The following ATR variants were observed in gnomAD, a reference collection of about 807,000 sequenced individuals.
The protein encoded by ATR is serine/threonine-protein kinase ATR.
A neutral mutation model predicts 305.3 loss-of-function variants in ATR; 142 were observed. The observed-to-expected ratio is 0.47, with a 90% CI of 0.41 to 0.53. The LOEUF is 0.53. Ranked by LOEUF, ATR falls within the 20% of genes least tolerant of loss-of-function variation. The pLI is 0.00. For missense variants in ATR, 2,135 were observed against 3,133.1 expected, an observed-to-expected ratio of 0.68 and a Z score of 7.60; for synonymous variants, 1,050 against 1,068.1, an observed-to-expected ratio of 0.98 and a Z score of 0.33.
At position 142,559,461 on chromosome 3, in the gene ATR, T is replaced by C; in HGVS notation, c.1542-20A>G. 1.2e-6 allele frequency: 2 copies of C among 1,607,540 alleles called. No homozygotes were observed. Among genetic ancestry groups the C allele is most frequent in the South Asian group, 1.1e-5 (1 of 90,766 alleles). On this transcript the variant is annotated intron_variant, in intron 6 of 46. Transcript: ENST00000350721. ...GTACGGCTGCAGTAAGTACATTTTGTTAAAAACATTGGAATTAAGATGAAT... is the reference window on the plus strand; with the variant it reads ...GTACGGCTGCAGTAAGTACATTTTGCTAAAAACATTGGAATTAAGATGAAT...
At chr3:142,535,673 C>T (rs1037851671) in intron 20 of ATR, among the ~76,000 whole-genome samples, 2 of 152,142 alleles carry the variant, frequency 1.3e-5, no homozygotes, top group East Asian at 3.9e-4. Flanking sequence ...ATTTAAGATG[C>T]TGGAATTATA....
At chr3:142,468,938 C>A (rs2071192101) in intron 38 of ATR, among the ~76,000 whole-genome samples, 1 of 152,118 alleles carries the variant, frequency 6.6e-6, no homozygotes, top group Non-Finnish European at 1.5e-5. Context: ...CTGCACTGAG[C>A]TATGATCCCA....
In ATR at chr3:142,481,359, T is replaced by A. The variant is rs2030465096; in HGVS notation, c.6221+3781A>T. Among the ~76,000 whole-genome samples, 6 of 152,364 alleles carry A rather than the reference T, an allele frequency of 3.9e-5. No homozygotes were observed. In the South Asian group the frequency reaches 1.0e-3, roughly 26 times the overall value. ...ATTAATGTGGTATATCAAATATATG[T>A]ATTTGGATATGTTGAACCATCCTTG... On this transcript the variant is annotated intron_variant, in intron 36 of 46. Transcript: ENST00000350721.
intron 16 of ATR, among the ~76,000 whole-genome samples, chr3:142,543,765 A>T (rs1381961466): frequency 6.6e-6 from 1 of 151,662 alleles, no homozygotes; most frequent in African/African-American, 2.4e-5. Context: ...AACCTCCTAG[A>T]CTCAAGCAAT....
chr3:142,451,574 G>A (rs760790267), intron 46 of ATR: 62 of 1,313,064 alleles, frequency 4.7e-5, no homozygotes, highest in Non-Finnish European at 6.0e-5. Flanking sequence ...CTTCATCCCA[G>A]CAGTTGGAAG....
intron 17 of ATR, among the ~76,000 whole-genome samples, chr3:142,541,288 G>T (rs1159510912): frequency 6.6e-6 from 1 of 152,050 alleles, no homozygotes; most frequent in Middle Eastern, 3.2e-3. Flanking sequence ...TTTTAGCCCA[G>T]TATTCATCTA....
chr3:142,457,747 G>C lies in ATR; in HGVS notation c.7512C>G (p.Thr2504=). ...ATGGCACAATTTCTGGAACTTCAAAGGTTTCTCCCTTAGAAACAATACATT... is the reference window on the plus strand; with the variant it reads ...ATGGCACAATTTCTGGAACTTCAAACGTTTCTCCCTTAGAAACAATACATT... ...DFNCLFNKGE[T]FEVPEIVPFR... The change falls in exon 45 of 47, where the codon ACC becomes ACG. Residue 2504 remains threonine, a synonymous_variant. Coordinates refer to ENST00000350721, the MANE Select transcript of ATR (RefSeq NM_001184.4). 1 of 1,613,654 alleles carries C rather than the reference G, an allele frequency of 6.2e-7. No homozygotes were observed. Among genetic ancestry groups the C allele is most frequent in the Admixed American group, 1.7e-5 (1 of 60,006 alleles).
chr3:142,496,336 A>ATGTATATATC lies in ATR; in HGVS notation c.5898+24_5898+25insGATATATACA, dbSNP rs1559937882. ...TATATATATATATATATATATATATATGATGACATTTCCCTGGCCATTACC... is the reference window on the plus strand; with the variant it reads ...TATATATATATATATATATATATATATGTATATATCTGATGACATTTCCCTGGCCATTACC... On this transcript the variant is annotated intron_variant, in intron 34 of 46. Transcript: ENST00000350721. 3 of 522,178 alleles carry ATGTATATATC rather than the reference A, an allele frequency of 5.7e-6. 1 individual carries two copies. In the African/African-American group the frequency reaches 1.0e-4, roughly 18 times the overall value. 32.3% of individuals were successfully genotyped at this position (522,178 alleles called of 1,614,324 possible).
At chr3:142,478,614 G>T (rs959064483) in intron 36 of ATR, among the ~76,000 whole-genome samples, 1 of 152,026 alleles carries the variant, frequency 6.6e-6, no homozygotes, top group Non-Finnish European at 1.5e-5. Context: ...GTCTGCTTGG[G>T]GCAGAGCTGA....
intron 21 of ATR, among the ~76,000 whole-genome samples, chr3:142,532,273 C>G (rs1338228656): frequency 6.6e-6 from 1 of 152,078 alleles, no homozygotes; most frequent in Non-Finnish European, 1.5e-5. Flanking sequence ...ATAGCCTCTT[C>G]TCTTATGTGT....
chr3:142,566,012 A>C, intron 3 of ATR, 109 bp downstream of exon 3: 1 of 1,479,434 alleles, frequency 6.8e-7, no homozygotes, highest in African/African-American at 1.4e-5. Flanking sequence ...ATTTATAGCA[A>C]AGCTGACCCA....
chr3:142,504,920 G>A (rs766225830), intron 29 of ATR, among the ~76,000 whole-genome samples: 2 of 151,840 alleles, frequency 1.3e-5, no homozygotes, highest in South Asian at 2.1e-4. Context: ...GGTGGCACAC[G>A]CCTGTAATCC....
chr3:142,490,422 C>G (rs1434979949), intron 35 of ATR, among the ~76,000 whole-genome samples: 4 of 152,182 alleles, frequency 2.6e-5, no homozygotes, highest in Admixed American at 2.6e-4. Context: ...AATCCTCTGT[C>G]ATATATGTAT....
rs75000545 is a variant in ATR at position 142,455,027 on chromosome 3, G to A, written c.7656-1794C>T. On this transcript the variant is annotated intron_variant, in intron 45 of 46. Coordinates refer to ENST00000350721, the MANE Select transcript of ATR (RefSeq NM_001184.4). ...ATTGTGGAGAGAAAATCTTAAGGAA[G>A]GCACAAAAATAATTATTAGAACTAA... Among the ~76,000 whole-genome samples, 6 of 152,084 alleles carry A rather than the reference G, an allele frequency of 3.9e-5. No homozygotes were observed. In the East Asian group the frequency reaches 1.2e-3, roughly 29 times the overall value.
rs1440455882 is a variant in ATR, at chr3:142,578,628, G to A, written c.59+18C>T. The stretch of plus-strand genomic sequence containing the variant: ...TCAGCGGAGGAGGATGCAGGACCCA[G>A]GCTGGGCCTAGCCCTACCTGCCCAG... On this transcript the variant is annotated intron_variant, in intron 1 of 46. Transcript: ENST00000350721. 1 of 1,609,838 alleles carries A rather than the reference G, an allele frequency of 6.2e-7. No individual in the cohort carries two copies. The highest frequency in any genetic ancestry group is 8.5e-7 in the Non-Finnish European group (1 of 1,178,250).
intron 24 of ATR, among the ~76,000 whole-genome samples, chr3:142,517,966 A>G (rs2032939478): frequency 6.6e-6 from 1 of 152,232 alleles, no homozygotes; most frequent in South Asian, 2.1e-4. Context: ...GGGTAAAATT[A>G]TCCATGTTTT....
rs1348702370 is a variant in ATR, at chr3:142,508,023, G to A, written c.4939C>T (p.Arg1647Cys). ...PQDTLAVASF[R>C]SKAYTRAVMH... Reference sequence around the variant, plus strand: ...ACAGCTCGTGTGTATGCTTTGGAGCGAAAGGAAGCTACTGCCAGAGTATCC... The same window carrying A: ...ACAGCTCGTGTGTATGCTTTGGAGCAAAAGGAAGCTACTGCCAGAGTATCC... The change falls in exon 28 of 47, where the codon CGC (arginine) becomes TGC (cysteine). Residue 1647 changes from arginine (R) to cysteine (C), a missense_variant. Around this residue, in one of 9 missense-constraint regions of ATR, gnomAD observed 45 missense variants for 80.4 expected, o/e 0.56. Transcript: ENST00000350721. 2 of 1,613,150 alleles carry A rather than the reference G, an allele frequency of 1.2e-6. No individual in the cohort carries two copies. The highest frequency in any genetic ancestry group is 1.1e-5 in the South Asian group (1 of 91,016).
chr3:142,476,970 C>T (rs2029882451), intron 36 of ATR, among the ~76,000 whole-genome samples: 1 of 152,144 alleles, frequency 6.6e-6, no homozygotes, highest in Admixed American at 6.5e-5. Flanking sequence ...GGTGAAGTTG[C>T]TTATCAGCTT....
intron 16 of ATR, among the ~76,000 whole-genome samples, chr3:142,544,403 G>A (rs2034180857): frequency 8.4e-6 from 1 of 119,380 alleles, no homozygotes; most frequent in African/African-American, 3.2e-5. Flanking sequence ...AGTGGGCTGA[G>A]ATTGCACCAC....
Sources: gnomAD v4.1 joint callset for allele counts (sites outside exome capture counted in the v4.1 genomes callset) on GRCh38, gnomAD v4.1.1 for gene constraint, gnomAD v4.1.1 regional missense constraint, MANE v1.5 for transcripts, NCBI Gene and HGNC (gene_info 2026-07-23, HGNC 2026-07-21) for gene names.